Variants in DLGAP1 observed in about 807,000 individuals in gnomAD.
DLGAP1 encodes disks large-associated protein 1.
Under a neutral mutation model 90.8 loss-of-function variants are expected in DLGAP1, and 11 were observed. The ratio of observed to expected loss-of-function variants is 0.12; its 90% CI spans 0.08 to 0.20. The LOEUF (loss-of-function observed/expected upper bound fraction) is 0.20, where lower values mean the gene tolerates loss of function less well. DLGAP1 is among the 10% of genes least tolerant of loss of function. The pLI, the probability that DLGAP1 is intolerant of heterozygous loss-of-function variation, is 1.00. For synonymous variants in DLGAP1, 558 were observed against 540.7 expected (o/e 1.03, Z -0.44); for missense variants, 1,050 against 1,333.8 (o/e 0.79, Z 3.31).
intron 3 of DLGAP1, among the ~76,000 whole-genome samples, chr18:4,002,625 A>G (rs58215605): frequency 0.3 from 44,976 of 152,150 alleles, 8,046 homozygotes; most frequent in East Asian, 0.54. Context: ...CAACATATGT[A>G]TTCAATGACG....
chr18:4,107,133 C>T (rs1039864558), intron 2 of DLGAP1, among the ~76,000 whole-genome samples: 1 of 152,210 alleles, frequency 6.6e-6, no homozygotes, highest in Non-Finnish European at 1.5e-5. Context: ...AACACAGCGC[C>T]GCTGGATTAC....
At chr18:3,503,157 G>A (rs2050035193) in intron 11 of DLGAP1, among the ~76,000 whole-genome samples, 1 of 152,118 alleles carries the variant, frequency 6.6e-6, no homozygotes, top group Non-Finnish European at 1.5e-5. Context: ...AGCACTATGT[G>A]TTTAATAATT....
chr18:4,406,794 C>T lies in DLGAP1; in HGVS notation c.-267+48212G>A, dbSNP rs543873182. On this transcript the variant is annotated intron_variant, in intron 1 of 12. Transcript: ENST00000315677. ...AAGAGGGACTAATTGATCTTGAAATCGGGAGAAATCTTATAAGCATGAGAA... is the reference window on the plus strand; with the variant it reads ...AAGAGGGACTAATTGATCTTGAAATTGGGAGAAATCTTATAAGCATGAGAA... Among the ~76,000 whole-genome samples, 6 of 152,176 alleles carry T rather than the reference C, an allele frequency of 3.9e-5. No individual in the cohort carries two copies. The South Asian group carries it at 6.2e-4, about 16-fold the overall frequency.
Position 3,498,945 on chromosome 18 carries a change from G to C in DLGAP1, c.*240C>G. 7 of 534,178 alleles carry C rather than the reference G, an allele frequency of 1.3e-5. No individual in the cohort carries two copies. The highest frequency in any genetic ancestry group is 4.9e-4 in the Middle Eastern group (1 of 2,056). 33.1% of individuals were successfully genotyped at this position (534,178 alleles called of 1,614,324 possible). A position where few individuals can be genotyped will look rare whatever the true frequency, so the allele number is the denominator to read the frequency against. ...GTTGGATCTCAGTATGAGGCAGGGCGACGGCATCAGGACAGGGGGCGAAGC... is the reference window on the plus strand; with the variant it reads ...GTTGGATCTCAGTATGAGGCAGGGCCACGGCATCAGGACAGGGGGCGAAGC... On this transcript the variant is annotated 3_prime_UTR_variant, in exon 13 of 13. Transcript: ENST00000315677.
At chr18:3,679,840 CTTT>C (rs1306085308) in intron 7 of DLGAP1, 1 of 133,532 alleles carries the variant, frequency 7.5e-6, no homozygotes, top group African/African-American at 3.2e-5. Context: ...TCTTTTCTTT[CTTT>C]CTTTCTTTCT....
intron 1 of DLGAP1, among the ~76,000 whole-genome samples, chr18:4,415,324 A>G (rs2082874279): frequency 6.6e-6 from 1 of 152,192 alleles, no homozygotes; most frequent in South Asian, 2.1e-4. Flanking sequence ...GAGTCATTGA[A>G]TTGATTTGGC....
intron 7 of DLGAP1, among the ~76,000 whole-genome samples, chr18:3,592,996 A>C (rs2145583250): frequency 6.6e-6 from 1 of 152,246 alleles, no homozygotes; most frequent in Non-Finnish European, 1.5e-5. Flanking sequence ...TAACTGATGA[A>C]AATATTAAGG....
At chr18:3,836,518 T>C (rs897002409) in intron 4 of DLGAP1, among the ~76,000 whole-genome samples, 2 of 152,208 alleles carry the variant, frequency 1.3e-5, no homozygotes, top group East Asian at 1.9e-4. Context: ...CCCTGAATAC[T>C]GTCACACACG....
chr18:4,418,083 T>A (rs1315706956), intron 1 of DLGAP1, among the ~76,000 whole-genome samples: 3 of 152,124 alleles, frequency 2.0e-5, no homozygotes, highest in African/African-American at 7.2e-5. Flanking sequence ...AACAAGTTGT[T>A]ACTAGAGGAA....
intron 3 of DLGAP1, among the ~76,000 whole-genome samples, chr18:3,964,628 C>G (rs2073281457): frequency 6.6e-6 from 1 of 151,980 alleles, no homozygotes; most frequent in Non-Finnish European, 1.5e-5. Context: ...TGAGGAAGAG[C>G]CTTGAAGGAA....
At chr18:3,905,391 A>AAAAAAAAAAAAAAAAAAC in intron 3 of DLGAP1, among the ~76,000 whole-genome samples, 1 of 149,660 alleles carries the variant, frequency 6.7e-6, no homozygotes, top group South Asian at 2.1e-4. Context: ...AAAAAAAAAA[A>AAAAAAAAAAAAAAAAAAC]AGAAAAGAAA....
At chr18:3,631,118 C>G (rs1599632412) in intron 7 of DLGAP1, among the ~76,000 whole-genome samples, 1 of 151,700 alleles carries the variant, frequency 6.6e-6, no homozygotes, top group Non-Finnish European at 1.5e-5. Flanking sequence ...GTAGCTGGGA[C>G]TACAGGCATG....
chr18:4,188,738 C>A (rs188013996), intron 1 of DLGAP1, among the ~76,000 whole-genome samples: 2 of 152,248 alleles, frequency 1.3e-5, no homozygotes, highest in Admixed American at 1.3e-4. Flanking sequence ...GGATTGGTTC[C>A]AAGTCTTTGC....
chr18:3,830,696 A>C (rs188372525), intron 4 of DLGAP1, among the ~76,000 whole-genome samples: 1 of 152,376 alleles, frequency 6.6e-6, no homozygotes, highest in Admixed American at 6.5e-5. Context: ...AAAAAAATCA[A>C]GATTTACTGT....
chr18:3,562,276 A>C (rs2054170477), intron 9 of DLGAP1, among the ~76,000 whole-genome samples: 1 of 152,056 alleles, frequency 6.6e-6, no homozygotes, highest in Non-Finnish European at 1.5e-5. Flanking sequence ...ACAGTTACCC[A>C]AGTGGCTGTG....
chr18:3,539,895 A>T (rs1599128463), intron 9 of DLGAP1, among the ~76,000 whole-genome samples: 2 of 152,222 alleles, frequency 1.3e-5, no homozygotes. Flanking sequence ...TCTCATTCAC[A>T]TAATGGCTGC....
chr18:3,938,878 G>A (rs1168800795), intron 3 of DLGAP1, among the ~76,000 whole-genome samples: 1 of 152,174 alleles, frequency 6.6e-6, no homozygotes. Context: ...AAAGCAGGTG[G>A]CAGAATAATC....
intron 7 of DLGAP1, among the ~76,000 whole-genome samples, chr18:3,716,538 A>T (rs1480602547): frequency 1.3e-5 from 2 of 151,450 alleles, no homozygotes; most frequent in East Asian, 1.9e-4. Context: ...CCTGTCTCAA[A>T]TTTTTTTTTC....
intron 5 of DLGAP1, among the ~76,000 whole-genome samples, chr18:3,804,172 A>G (rs576754471): frequency 7.2e-5 from 11 of 152,026 alleles, no homozygotes; most frequent in African/African-American, 2.4e-4. Flanking sequence ...TTTAGTAGAA[A>G]TGGGGTTTTG....
Sources: gnomAD v4.1 joint callset for allele counts (sites outside exome capture counted in the v4.1 genomes callset) on GRCh38, gnomAD v4.1.1 for gene constraint, MANE v1.5 for transcripts, NCBI Gene and HGNC (gene_info 2026-07-23, HGNC 2026-07-21) for gene names.